Variants in ADAM32 observed in about 807,000 individuals in gnomAD.
ADAM32 encodes the protein ADAM metallopeptidase domain 32.
In ADAM32, 89 loss-of-function variants were observed where a neutral mutation model predicts 114.9. The observed-to-expected ratio is 0.77, with a 90% CI of 0.65 to 0.92. The LOEUF is 0.92. Ranked by LOEUF, ADAM32 falls within the 40% of genes least tolerant of loss-of-function variation. The pLI, the probability that ADAM32 is intolerant of heterozygous loss-of-function variation, is 0.00. For missense variants in ADAM32, 870 were observed against 932.8 expected, an observed-to-expected ratio of 0.93 and a Z score of 0.88; for synonymous variants, 285 against 307.5, an observed-to-expected ratio of 0.93 and a Z score of 0.77.
At chr8:39,253,328 G>A (rs1178168354) in intron 17 of ADAM32, among the ~76,000 whole-genome samples, 1 of 151,618 alleles carries the variant, frequency 6.6e-6, no homozygotes, top group African/African-American at 2.4e-5. Context: ...ATACTCAATG[G>A]TGAAATAATG....
At chr8:39,109,509 C>T (rs143223794) in intron 1 of ADAM32, among the ~76,000 whole-genome samples, 5,068 of 151,902 alleles carry the variant, frequency 0.033, 289 homozygotes, top group African/African-American at 0.12. Flanking sequence ...ATGGCACCAT[C>T]GCACTCCAGC....
At chr8:39,201,798 T>G (rs541274557) in intron 11 of ADAM32, among the ~76,000 whole-genome samples, 1 of 152,322 alleles carries the variant, frequency 6.6e-6, no homozygotes, top group East Asian at 1.9e-4. Context: ...TTGAGATACA[T>G]CCTATCAATA....
chr8:39,205,508 G>A (rs916871209), intron 11 of ADAM32, among the ~76,000 whole-genome samples: 1 of 152,212 alleles, frequency 6.6e-6, no homozygotes, highest in African/African-American at 2.4e-5. Flanking sequence ...TGATTTTCCA[G>A]GTGCCATCTG....
chr8:39,227,814 T>TC (rs1451358103), intron 14 of ADAM32, among the ~76,000 whole-genome samples: 2 of 152,088 alleles, frequency 1.3e-5, no homozygotes, highest in Non-Finnish European at 2.9e-5. Flanking sequence ...CTGGTCCCTC[T>TC]CCATACTACC....
chr8:39,132,241 G>T (rs1802510980), intron 2 of ADAM32, among the ~76,000 whole-genome samples: 1 of 152,136 alleles, frequency 6.6e-6, no homozygotes, highest in Non-Finnish European at 1.5e-5. Context: ...ATCTATTTCT[G>T]CTTTTTGGTT....
chr8:39,190,193 G>A (rs1236651005), intron 11 of ADAM32, among the ~76,000 whole-genome samples: 1 of 152,084 alleles, frequency 6.6e-6, no homozygotes, highest in Non-Finnish European at 1.5e-5. Flanking sequence ...ATGACCTTCT[G>A]TTCCATTCAT....
intron 24 of ADAM32, 63 bp downstream of exon 24, chr8:39,283,687 AATCCACTATTAATTCCTAAGT>A: frequency 7.3e-7 from 1 of 1,365,450 alleles, no homozygotes; most frequent in African/African-American, 1.5e-5. Context: ...TAAAACTCAT[AATCCACTATTAATTCCTAAGT>A]ATGGACTGGG....
intron 19 of ADAM32, among the ~76,000 whole-genome samples, chr8:39,268,589 A>G (rs1175488101): frequency 6.6e-6 from 1 of 152,206 alleles, no homozygotes; most frequent in Non-Finnish European, 1.5e-5. Flanking sequence ...CAAATGTTTT[A>G]AATGTTTAAT....
chr8:39,168,138 C>T (rs1036435006), intron 9 of ADAM32: 1 of 151,998 alleles, frequency 6.6e-6, no homozygotes, highest in Non-Finnish European at 1.5e-5. Flanking sequence ...TTGCAGCAGA[C>T]CTTGCTGGAC....
chr8:39,159,720 G>A (rs1804367576), intron 6 of ADAM32, among the ~76,000 whole-genome samples: 1 of 152,184 alleles, frequency 6.6e-6, no homozygotes, highest in African/African-American at 2.4e-5. Context: ...TTTCATGGTG[G>A]AGGAAACAAA....
intron 12 of ADAM32, among the ~76,000 whole-genome samples, chr8:39,219,684 G>A (rs930018310): frequency 3.9e-5 from 6 of 152,156 alleles, no homozygotes; most frequent in African/African-American, 1.4e-4. Flanking sequence ...CCTCTTTGGT[G>A]CCTCTTTCAG....
At chr8:39,251,126 A>G (rs888312647) in intron 17 of ADAM32, among the ~76,000 whole-genome samples, 40 of 151,984 alleles carry the variant, frequency 2.6e-4, no homozygotes, top group African/African-American at 8.4e-4. Flanking sequence ...TAGTGCTACA[A>G]TAAACATGGG....
intron 1 of ADAM32, among the ~76,000 whole-genome samples, chr8:39,115,918 A>G (rs1268429919): frequency 3.3e-5 from 5 of 152,076 alleles, no homozygotes; most frequent in African/African-American, 1.2e-4. Context: ...TTGGTTATTG[A>G]ATATGGCAAA....
At chr8:39,251,065 T>C (rs896111252) in intron 17 of ADAM32, among the ~76,000 whole-genome samples, 1 of 151,962 alleles carries the variant, frequency 6.6e-6, no homozygotes, top group African/African-American at 2.4e-5. Flanking sequence ...TCTTTATTTA[T>C]TCATCTATTC....
intron 17 of ADAM32, among the ~76,000 whole-genome samples, chr8:39,249,666 A>G (rs923772297): frequency 2.0e-5 from 3 of 152,196 alleles, no homozygotes; most frequent in East Asian, 3.8e-4. Context: ...AAGAATAAGA[A>G]AAATAAAAAT....
At chr8:39,240,508 CATTGT>C (rs1810488687) in intron 16 of ADAM32, among the ~76,000 whole-genome samples, 1 of 152,144 alleles carries the variant, frequency 6.6e-6, no homozygotes, top group Non-Finnish European at 1.5e-5. Flanking sequence ...AGGTCATTGT[CATTGT>C]ATTAGTCTGC....
chr8:39,170,007 T>G lies in ADAM32; in HGVS notation c.915+10T>G. On this transcript the variant is annotated intron_variant, in intron 10 of 24. Transcript: ENST00000379907. ...TGCAGGAGTTGCATTGGTATGTAAC[T>G]ATTTAATCTTATTTTTTAAATTAAC... 6.5e-7 allele frequency: 1 copy of G among 1,533,530 alleles called. No homozygotes were observed. The highest frequency in any genetic ancestry group is 8.9e-7 in the Non-Finnish European group (1 of 1,122,532). The allele number at this position is 1,533,530 out of a possible 1,614,324, so 95.0% of individuals were successfully genotyped here.
intron 10 of ADAM32, among the ~76,000 whole-genome samples, chr8:39,173,030 C>T (rs893081309): frequency 1.3e-5 from 2 of 152,166 alleles, no homozygotes; most frequent in Non-Finnish European, 2.9e-5. Context: ...GAGGCTGAGG[C>T]GGGTGGATCA....
chr8:39,126,646 A>G (rs1339100392), intron 2 of ADAM32, among the ~76,000 whole-genome samples: 2 of 152,088 alleles, frequency 1.3e-5, no homozygotes, highest in Non-Finnish European at 2.9e-5. Context: ...CTTTCTTCCT[A>G]TTTGAACATC....
Sources: allele counts gnomAD v4.1 joint callset (sites outside exome capture counted in the v4.1 genomes callset), GRCh38; gene constraint gnomAD v4.1.1; transcripts MANE v1.5; gene names NCBI Gene and HGNC (gene_info 2026-07-23, HGNC 2026-07-21).